The following KAT14 variants were observed in gnomAD, a reference collection of about 807,000 sequenced individuals.
The protein encoded by KAT14 is cysteine-rich protein 2-binding protein.
KAT14 carries 66 observed loss-of-function variants against 78.4 expected under a neutral mutation model. The ratio of observed to expected loss-of-function variants is 0.84; its 90% CI spans 0.69 to 1.03. KAT14 has a LOEUF of 1.03. Ranked by LOEUF, KAT14 falls within the 50% of genes least tolerant of loss-of-function variation. The probability of loss-of-function intolerance (pLI) is 0.00; values close to 1 mark genes in which losing one functional copy is unlikely to be tolerated. For missense variants in KAT14, 870 were observed against 972.5 expected (o/e 0.89, Z 1.40); for synonymous variants, 344 against 359.4 (o/e 0.96, Z 0.48).
chr20:18,183,595 A>G (rs2039346256), intron 9 of KAT14: 1 of 939,286 alleles, frequency 1.1e-6, no homozygotes, highest in Non-Finnish European at 1.3e-6. Flanking sequence ...ATGTCTATCA[A>G]AGATACACAG....
chr20:18,171,976 A>G (rs918934959), intron 7 of KAT14, among the ~76,000 whole-genome samples: 1 of 152,366 alleles, frequency 6.6e-6, no homozygotes, highest in African/African-American at 2.4e-5. Flanking sequence ...TACCAATAAA[A>G]TGATTGACTC....
At chr20:18,180,742 A>C (rs1270663645) in intron 7 of KAT14, among the ~76,000 whole-genome samples, 2 of 152,224 alleles carry the variant, frequency 1.3e-5, no homozygotes, top group Non-Finnish European at 2.9e-5. Context: ...ATGCAAAAGC[A>C]GAAACCCCTG....
intron 7 of KAT14, among the ~76,000 whole-genome samples, chr20:18,168,202 G>A (rs2038721788): frequency 1.3e-5 from 2 of 152,118 alleles, no homozygotes; most frequent in Admixed American, 6.5e-5. Flanking sequence ...TACATACAGT[G>A]TCACTCCTGA....
chr20:18,155,828 G>C (rs1049641458), intron 4 of KAT14, among the ~76,000 whole-genome samples: 1 of 152,072 alleles, frequency 6.6e-6, no homozygotes, highest in Non-Finnish European at 1.5e-5. Context: ...AAAATGGTGT[G>C]GTGTTTCCTC....
rs774218588 is a variant in KAT14, at chr20:18,162,623, A to C, written c.1346A>C (p.Glu449Ala). The C allele has an allele frequency of 3.1e-6, 5 of 1,614,198 alleles. No homozygotes were observed. In the East Asian group the frequency reaches 1.1e-4, roughly 36 times the overall value. The change falls in exon 7 of 11, where the codon GAG becomes GCG. Residue 449 changes from glutamate to alanine, a missense_variant. By Grantham distance (107) the Glu-to-Ala change is moderately radical. Coordinates refer to ENST00000688188, the MANE Select transcript of KAT14 (RefSeq NM_001392073.1). ...AGAGAAAAGAGGAAGCCTCAGCTGG[A>C]GAAGGACACAAAGCCGAAAGAGCCC... ...RAREKRKPQL[E>A]KDTKPKEPRY...
rs1315411266 is a variant in KAT14 at position 18,142,382 on chromosome 20, C to T, written c.-279C>T. The stretch of plus-strand genomic sequence containing the variant: ...ACTTGAATGTGAAATATCTGTTGGA[C>T]AGACAACACGAGTTTGTGTGTGTGT... On this transcript the variant is annotated 5_prime_UTR_variant, in exon 2 of 11. Coordinates refer to ENST00000688188, the MANE Select transcript of KAT14 (RefSeq NM_001392073.1). 5 of 1,530,242 alleles carry T rather than the reference C, an allele frequency of 3.3e-6. No homozygotes were observed. The African/African-American group carries it at 6.9e-5, about 21-fold the overall frequency. 94.8% of individuals were successfully genotyped at this position (1,530,242 alleles called of 1,614,324 possible).
At chr20:18,138,526 G>A (rs1185962471) in intron 1 of KAT14, 9 of 896,484 alleles carry the variant, frequency 1.0e-5, no homozygotes, top group Admixed American at 1.2e-4. Flanking sequence ...AGCCTAATGT[G>A]TTTTACGTGC....
chr20:18,144,444 GCA>G (rs2037740634), intron 2 of KAT14, among the ~76,000 whole-genome samples: 1 of 152,172 alleles, frequency 6.6e-6, no homozygotes, highest in Admixed American at 6.5e-5. Context: ...TTAGGGCTTT[GCA>G]CAGTTTTTTT....
intron 4 of KAT14, among the ~76,000 whole-genome samples, chr20:18,158,375 C>G (rs975861440): frequency 1.8e-4 from 27 of 152,234 alleles, no homozygotes; most frequent in African/African-American, 6.3e-4. Flanking sequence ...TTAGACTGGT[C>G]TTCTTGTGAA....
intron 7 of KAT14, among the ~76,000 whole-genome samples, chr20:18,164,611 CTTGTTCTT>C (rs761266955): frequency 0.18 from 7,455 of 42,376 alleles, 325 homozygotes; most frequent in Admixed American, 0.28. Flanking sequence ...TTCACTTGTT[CTTGTTCTT>C]TTTTTTTTTT....
At chr20:18,178,589 A>G (rs1568674052) in intron 7 of KAT14, among the ~76,000 whole-genome samples, 1 of 152,200 alleles carries the variant, frequency 6.6e-6, no homozygotes, top group Non-Finnish European at 1.5e-5. Flanking sequence ...TAAAACCATC[A>G]GATCTCGTGA....
At chr20:18,155,621 C>T (rs1185100253) in intron 4 of KAT14, among the ~76,000 whole-genome samples, 1 of 151,976 alleles carries the variant, frequency 6.6e-6, no homozygotes, top group Non-Finnish European at 1.5e-5. Flanking sequence ...TTAAAATGGC[C>T]AATAAGCACA....
chr20:18,150,114 G>C (rs1359720965), intron 3 of KAT14, among the ~76,000 whole-genome samples: 1 of 152,150 alleles, frequency 6.6e-6, no homozygotes, highest in East Asian at 1.9e-4. Flanking sequence ...TGTAAAATAA[G>C]AGTAGATTAG....
intron 7 of KAT14, among the ~76,000 whole-genome samples, chr20:18,164,064 T>C (rs370123385): frequency 6.6e-5 from 10 of 152,330 alleles, no homozygotes; most frequent in East Asian, 5.8e-4. Context: ...CAGTAAAACT[T>C]TATCTACTAA....
At chr20:18,169,915 AG>A (rs1227274167) in intron 7 of KAT14, among the ~76,000 whole-genome samples, 1 of 152,160 alleles carries the variant, frequency 6.6e-6, no homozygotes, top group African/African-American at 2.4e-5. Flanking sequence ...GCTGATATGG[AG>A]AAAGTTTGAG....
In KAT14 at chr20:18,162,435, C is replaced by G. The variant is rs774930160; in HGVS notation, c.1158C>G (p.Pro386=). The G allele has an allele frequency of 8.7e-6, 14 of 1,614,086 alleles. No homozygotes were observed. Among genetic ancestry groups the G allele is most frequent in the Non-Finnish European group, 1.2e-5 (14 of 1,180,010 alleles). The change falls in exon 7 of 11, where the codon CCC becomes CCG. Residue 386 remains proline (P), a synonymous_variant. Coordinates refer to ENST00000688188, the MANE Select transcript of KAT14 (RefSeq NM_001392073.1). ...VIDPGMEYVP[P]PAGSVASGPV... ...ACCCAGGGATGGAGTACGTCCCACCCCCTGCTGGGTCAGTAGCTTCTGGGC... is the reference window on the plus strand; with the variant it reads ...ACCCAGGGATGGAGTACGTCCCACCGCCTGCTGGGTCAGTAGCTTCTGGGC...
intron 7 of KAT14, among the ~76,000 whole-genome samples, chr20:18,170,843 A>G (rs55939087): frequency 0.35 from 52,701 of 152,012 alleles, 10,228 homozygotes; most frequent in Non-Finnish European, 0.45. Context: ...GGCCTGAAAA[A>G]GATTATTTTC....
intron 4 of KAT14, among the ~76,000 whole-genome samples, chr20:18,157,592 A>G (rs1341986902): frequency 1.3e-5 from 2 of 152,096 alleles, no homozygotes; most frequent in African/African-American, 4.8e-5. Flanking sequence ...CTCTATCCCT[A>G]TTAAATAACT....
chr20:18,155,324 T>G (rs2038187136), intron 4 of KAT14, among the ~76,000 whole-genome samples: 1 of 152,218 alleles, frequency 6.6e-6, no homozygotes, highest in African/African-American at 2.4e-5. Flanking sequence ...AATATGTTAT[T>G]AAAGTTTAAA....
Sources: allele counts gnomAD v4.1 joint callset (sites outside exome capture counted in the v4.1 genomes callset), GRCh38; gene constraint gnomAD v4.1.1; transcripts MANE v1.5; gene names NCBI Gene and HGNC (gene_info 2026-07-23, HGNC 2026-07-21).